DNM3: variants seen among roughly 807,000 people sequenced by gnomAD.
The protein encoded by DNM3 is dynamin 3, also known as dynamin-3.
Under a neutral mutation model 101.6 loss-of-function variants are expected in DNM3, and 47 were observed. The ratio of observed to expected loss-of-function variants is 0.46; its 90% CI spans 0.37 to 0.59. The LOEUF (loss-of-function observed/expected upper bound fraction) is 0.59, where lower values mean the gene tolerates loss of function less well. DNM3 is among the 20% of genes least tolerant of loss of function. The pLI is 0.00. For synonymous variants in DNM3, 385 were observed against 387.9 expected (o/e 0.99, Z 0.09); for missense variants, 849 against 1,085.7 (o/e 0.78, Z 3.06).
intron 10 of DNM3, among the ~76,000 whole-genome samples, chr1:172,049,706 G>A (rs571396964): frequency 6.6e-6 from 1 of 152,236 alleles, no homozygotes; most frequent in Admixed American, 6.5e-5. Flanking sequence ...GGATAATTCT[G>A]TTTTTGTTAG....
chr1:172,218,480 A>C (rs1306811657), intron 14 of DNM3, among the ~76,000 whole-genome samples: 1 of 152,086 alleles, frequency 6.6e-6, no homozygotes, highest in Non-Finnish European at 1.5e-5. Flanking sequence ...ACTTTTGGCA[A>C]GTTTTTTGTT....
chr1:172,406,222 G>T (rs1391518530), intron 20 of DNM3, among the ~76,000 whole-genome samples: 1 of 151,970 alleles, frequency 6.6e-6, no homozygotes, highest in Non-Finnish European at 1.5e-5. Context: ...AGGCTTCACT[G>T]AAGTAAGTCT....
At chr1:172,167,259 T>G (rs2058781872) in intron 14 of DNM3, among the ~76,000 whole-genome samples, 1 of 152,154 alleles carries the variant, frequency 6.6e-6, no homozygotes, top group African/African-American at 2.4e-5. Flanking sequence ...TCATCCTTTT[T>G]TATGGCTGCA....
chr1:172,398,465 A>G (rs1174418007), intron 20 of DNM3, among the ~76,000 whole-genome samples: 4 of 152,200 alleles, frequency 2.6e-5, no homozygotes, highest in Non-Finnish European at 5.9e-5. Flanking sequence ...CCCCTGGTCT[A>G]ATGTTCTGTA....
intron 11 of DNM3, among the ~76,000 whole-genome samples, chr1:172,081,432 G>T (rs995444162): frequency 1.3e-5 from 2 of 152,202 alleles, no homozygotes; most frequent in African/African-American, 4.8e-5. Context: ...GCTAATATAT[G>T]ATGTCTACAG....
intron 13 of DNM3, among the ~76,000 whole-genome samples, chr1:172,098,613 A>G (rs2054415836): frequency 6.6e-6 from 1 of 152,226 alleles, no homozygotes; most frequent in South Asian, 2.1e-4. Flanking sequence ...TCACAAGGGT[A>G]TTGATTGGGG....
intron 10 of DNM3, among the ~76,000 whole-genome samples, chr1:172,051,805 G>GT (rs891402411): frequency 6.6e-6 from 1 of 152,076 alleles, no homozygotes; most frequent in Non-Finnish European, 1.5e-5. Context: ...TCCATCATTA[G>GT]TTTTTTTATC....
At chr1:171,941,036 G>A (rs1041007764) in intron 2 of DNM3, among the ~76,000 whole-genome samples, 1 of 151,900 alleles carries the variant, frequency 6.6e-6, no homozygotes, top group African/African-American at 2.4e-5. Context: ...TTTTGTATCT[G>A]TGCTATTGAG....
At chr1:171,983,147 C>T (rs1349231810) in intron 2 of DNM3, among the ~76,000 whole-genome samples, 2 of 152,042 alleles carry the variant, frequency 1.3e-5, no homozygotes, top group Non-Finnish European at 2.9e-5. Flanking sequence ...CTCTTCTTTA[C>T]AACAAAACTC....
At chr1:172,351,139 G>A (rs960298082) in intron 17 of DNM3, among the ~76,000 whole-genome samples, 3 of 152,092 alleles carry the variant, frequency 2.0e-5, no homozygotes, top group Admixed American at 1.3e-4. Flanking sequence ...TGCCACAAAT[G>A]TTTACCATCT....
intron 1 of DNM3, among the ~76,000 whole-genome samples, chr1:171,895,918 T>C (rs1347415098): frequency 1.3e-5 from 2 of 152,222 alleles, no homozygotes; most frequent in Non-Finnish European, 2.9e-5. Context: ...TTTCTTGTTT[T>C]TGTCAGGTTT....
At chr1:172,312,763 A>G (rs2065135738) in intron 16 of DNM3, among the ~76,000 whole-genome samples, 1 of 152,236 alleles carries the variant, frequency 6.6e-6, no homozygotes, top group Non-Finnish European at 1.5e-5. Context: ...AGGAATGCTA[A>G]GCCTAGTGAA....
chr1:171,874,177 CAA>C, intron 1 of DNM3, among the ~76,000 whole-genome samples: 1 of 152,176 alleles, frequency 6.6e-6, no homozygotes, highest in East Asian at 1.9e-4. Flanking sequence ...TACATATATA[CAA>C]ACACACATAA....
chr1:172,307,604 G>A (rs758418247), intron 15 of DNM3, among the ~76,000 whole-genome samples: 12 of 152,150 alleles, frequency 7.9e-5, no homozygotes, highest in Non-Finnish European at 1.5e-4. Context: ...GTTCACAATA[G>A]CAAAGACTTG....
At chr1:172,384,624 A>C (rs187878614) in intron 18 of DNM3, among the ~76,000 whole-genome samples, 1 of 152,340 alleles carries the variant, frequency 6.6e-6, no homozygotes, top group African/African-American at 2.4e-5. Flanking sequence ...TGGAAGATTC[A>C]AGGCACATCT....
At chr1:172,172,646 T>C (rs567803778) in intron 14 of DNM3, among the ~76,000 whole-genome samples, 1 of 151,834 alleles carries the variant, frequency 6.6e-6, no homozygotes, top group East Asian at 1.9e-4. Flanking sequence ...AGCCTTATGC[T>C]GAGTTGGTGG....
chr1:172,370,363 A>G (rs954892110), intron 17 of DNM3: 4 of 151,964 alleles, frequency 2.6e-5, no homozygotes, highest in African/African-American at 9.7e-5. Flanking sequence ...GCCATTTTCT[A>G]CTATATTTCC....
At chr1:172,302,083 C>T (rs941651235) in intron 15 of DNM3, among the ~76,000 whole-genome samples, 3 of 152,176 alleles carry the variant, frequency 2.0e-5, no homozygotes, top group Non-Finnish European at 4.4e-5. Flanking sequence ...AGGGCATCAC[C>T]TCACCTGGGG....
intron 20 of DNM3, chr1:172,397,352 C>T (rs528645525): frequency 6.6e-6 from 1 of 152,668 alleles, no homozygotes; most frequent in African/African-American, 2.4e-5. Flanking sequence ...CGCCAAATAC[C>T]TGGGTCTAAA....
Sources: gnomAD v4.1 joint callset for allele counts (sites outside exome capture counted in the v4.1 genomes callset) on GRCh38, gnomAD v4.1.1 for gene constraint, MANE v1.5 for transcripts, NCBI Gene and HGNC (gene_info 2026-07-23, HGNC 2026-07-21) for gene names.